CACNA2D1: variants seen among roughly 807,000 people sequenced by gnomAD.
CACNA2D1 encodes voltage-dependent calcium channel subunit alpha-2/delta-1.
In CACNA2D1, 53 loss-of-function variants were observed where a neutral mutation model predicts 171.5. The ratio of observed to expected loss-of-function variants is 0.31; its 90% CI spans 0.25 to 0.39. The LOEUF is 0.39. CACNA2D1 is among the 10% of genes least tolerant of loss of function. CACNA2D1 has a pLI of 1.00. For synonymous variants in CACNA2D1, 442 were observed against 443.1 expected (o/e 1.00, Z 0.03); for missense variants, 903 against 1,299.8 (o/e 0.69, Z 4.69).
At chr7:82,239,815 G>T (rs755462974) in intron 3 of CACNA2D1, among the ~76,000 whole-genome samples, 3 of 152,034 alleles carry the variant, frequency 2.0e-5, no homozygotes, top group Non-Finnish European at 4.4e-5. Context: ...TACCCTATCT[G>T]CAGGGTCTAC....
intron 3 of CACNA2D1, among the ~76,000 whole-genome samples, chr7:82,204,712 G>A (rs1799829926): frequency 6.6e-6 from 1 of 152,126 alleles, no homozygotes; most frequent in East Asian, 1.9e-4. Flanking sequence ...TATGCATAAG[G>A]CTTATGTGTT....
In CACNA2D1 at chr7:82,443,417, G is replaced by A. The variant is rs774697812; in HGVS notation, c.43C>T (p.Gln15Ter). ...GACGAGGGGCCGATGAGCAAAGATT[G>A]GAAAAGTGTCAGAGTCAAGGCCAGC... ...CLLALTLTLF[Q>*]SLLIGPSSEE... is the part of the protein sequence containing the mutation. The change falls in exon 1 of 39, where the codon CAA becomes TAA. Residue 15 changes from glutamine to a stop codon, truncating the protein, a stop_gained. Transcript: ENST00000356860. LOFTEE classifies it high-confidence loss of function. The A allele has an allele frequency of 6.2e-7, 1 of 1,607,242 alleles. No individual in the cohort carries two copies. The highest frequency in any genetic ancestry group is 1.1e-5 in the South Asian group (1 of 90,474).
chr7:82,297,108 A>G (rs568717827), intron 3 of CACNA2D1, among the ~76,000 whole-genome samples: 1 of 146,054 alleles, frequency 6.8e-6, no homozygotes. Context: ...TTAGCCAGGT[A>G]TGGTGGCACA....
intron 3 of CACNA2D1, among the ~76,000 whole-genome samples, chr7:82,238,565 A>G (rs1490540727): frequency 6.6e-6 from 1 of 152,100 alleles, no homozygotes; most frequent in Non-Finnish European, 1.5e-5. Flanking sequence ...CAAGTCAAAC[A>G]ATAACAGATG....
intron 10 of CACNA2D1, among the ~76,000 whole-genome samples, chr7:82,058,292 G>C (rs1806189190): frequency 6.6e-6 from 1 of 152,086 alleles, no homozygotes. Flanking sequence ...GAATCTGCAA[G>C]TGAGATTCAG....
intron 3 of CACNA2D1, among the ~76,000 whole-genome samples, chr7:82,264,939 C>T (rs1274495102): frequency 1.3e-5 from 2 of 152,130 alleles, no homozygotes; most frequent in Non-Finnish European, 2.9e-5. Flanking sequence ...GTTCTGTCTC[C>T]TAAAAAGTCA....
chr7:82,355,674 C>T (rs1358242889), intron 1 of CACNA2D1, among the ~76,000 whole-genome samples: 4 of 152,020 alleles, frequency 2.6e-5, no homozygotes, highest in African/African-American at 7.2e-5. Flanking sequence ...ACCATATTCC[C>T]TGGTCTCTCT....
intron 7 of CACNA2D1, among the ~76,000 whole-genome samples, chr7:82,073,617 TG>T (rs1808587321): frequency 2.0e-5 from 3 of 152,166 alleles, no homozygotes; most frequent in Non-Finnish European, 2.9e-5. Context: ...TTAATTTTTT[TG>T]AGATGGAGTT....
At chr7:82,290,524 C>T (rs990398539) in intron 3 of CACNA2D1, among the ~76,000 whole-genome samples, 1 of 150,808 alleles carries the variant, frequency 6.6e-6, no homozygotes, top group Non-Finnish European at 1.5e-5. Context: ...TCATATTTTC[C>T]CCATATAATA....
chr7:82,267,696 C>T (rs577071904), intron 3 of CACNA2D1, among the ~76,000 whole-genome samples: 140 of 152,054 alleles, frequency 9.2e-4, no homozygotes, highest in Non-Finnish European at 1.7e-3. Flanking sequence ...TTTGAAAGCC[C>T]TTAAACCTAC....
intron 15 of CACNA2D1, among the ~76,000 whole-genome samples, chr7:82,011,777 A>C (rs1799804731): frequency 6.6e-6 from 1 of 152,176 alleles, no homozygotes. Flanking sequence ...CTTTAAAAAT[A>C]CTTTCTTCAA....
At chr7:82,232,608 G>A (rs1305755288) in intron 3 of CACNA2D1, among the ~76,000 whole-genome samples, 1 of 152,046 alleles carries the variant, frequency 6.6e-6, no homozygotes, top group Non-Finnish European at 1.5e-5. Flanking sequence ...GCTCACGCCT[G>A]TAATCCAAGC....
intron 3 of CACNA2D1, among the ~76,000 whole-genome samples, chr7:82,250,358 A>G (rs1222402788): frequency 6.6e-6 from 1 of 152,214 alleles, no homozygotes; most frequent in Non-Finnish European, 1.5e-5. Context: ...CTACGTGGAG[A>G]GAGAAAAGCA....
intron 1 of CACNA2D1, among the ~76,000 whole-genome samples, chr7:82,387,849 G>A (rs562806857): frequency 6.6e-6 from 1 of 152,180 alleles, no homozygotes; most frequent in South Asian, 2.1e-4. Context: ...GGGAGGCAGA[G>A]GTAGGCACAT....
rs1792310905 is a variant in CACNA2D1 at position 81,949,606 on chromosome 7, CTG to C, written c.*784_*785del. The C allele has an allele frequency of 6.6e-6, 1 of 152,118 alleles. No homozygotes were observed. Among genetic ancestry groups the C allele is most frequent in the African/African-American group, 2.4e-5 (1 of 41,434 alleles). The allele number at this position is 152,118 out of a possible 1,614,324, so 9.4% of individuals were successfully genotyped here. A position where few individuals can be genotyped will look rare whatever the true frequency, so the allele number is the denominator to read the frequency against. ...TAAATATCTGGCTAGCACTACATAA[CTG>C]TACTGTGAACAAAAGGAACATTACA... On this transcript the variant is annotated 3_prime_UTR_variant, in exon 39 of 39. Coordinates refer to ENST00000356860, the MANE Select transcript of CACNA2D1 (RefSeq NM_000722.4).
chr7:82,393,341 G>A lies in CACNA2D1; in HGVS notation c.96-43692C>T, dbSNP rs567512753. 7.2e-5 allele frequency among the ~76,000 whole-genome samples: 11 copies of A among 152,250 alleles called. 1 individual carries two copies. The South Asian group carries it at 2.1e-3, about 29-fold the overall frequency. ...AACAGCAGTAAGCATGCTCTTGAAC[G>A]TAATGAATATATGATCCATGCTGGA... is the stretch of plus-strand genomic sequence containing the variant. On this transcript the variant is annotated intron_variant, in intron 1 of 38. Transcript: ENST00000356860.
In CACNA2D1 at chr7:81,991,264, G is replaced by A. The variant is rs1351760019; in HGVS notation, c.1735-18C>T. On this transcript the variant is annotated intron_variant, in intron 20 of 38. Transcript: ENST00000356860. ...ATATATCTCTAGAAAGAAGTTTAAC[G>A]TGGTTATTATCACTTTACATTTTGT... is the stretch of plus-strand genomic sequence containing the variant. The A allele has an allele frequency of 1.7e-5, 22 of 1,302,052 alleles. No individual in the cohort carries two copies. The highest frequency in any genetic ancestry group is 1.8e-4 in the Middle Eastern group (1 of 5,462). The allele number at this position is 1,302,052 out of a possible 1,614,324, so 80.7% of individuals were successfully genotyped here. A position where few individuals can be genotyped will look rare whatever the true frequency, so the allele number is the denominator to read the frequency against.
At chr7:81,980,017 A>G (rs1796277878) in intron 24 of CACNA2D1, among the ~76,000 whole-genome samples, 1 of 151,862 alleles carries the variant, frequency 6.6e-6, no homozygotes, top group South Asian at 2.1e-4. Context: ...GTCAGGAAGG[A>G]TGCGTATACC....
chr7:82,429,513 C>G (rs3757627), intron 1 of CACNA2D1, among the ~76,000 whole-genome samples: 99,592 of 151,970 alleles, frequency 0.66, 33,682 homozygotes, highest in African/African-American at 0.83. Context: ...AACCCAAAAG[C>G]GGTAGGACCA....
Sources: gnomAD v4.1 joint callset for allele counts (sites outside exome capture counted in the v4.1 genomes callset) on GRCh38, gnomAD v4.1.1 for gene constraint, MANE v1.5 for transcripts, NCBI Gene and HGNC (gene_info 2026-07-23, HGNC 2026-07-21) for gene names.